The following CSMD3 variants were observed in gnomAD, a reference collection of about 807,000 sequenced individuals.
The protein encoded by CSMD3 is CUB and Sushi multiple domains 3.
Under a neutral mutation model 435.2 loss-of-function variants are expected in CSMD3, and 177 were observed. That is an observed-to-expected ratio of 0.41 (90% CI 0.36 to 0.46). CSMD3 has a LOEUF of 0.46. Ranked by LOEUF, CSMD3 falls within the 20% of genes least tolerant of loss-of-function variation. The pLI is 0.34. For synonymous variants in CSMD3, 1,656 were observed against 1,520.5 expected (o/e 1.09, Z -2.07); for missense variants, 4,265 against 4,504.6 (o/e 0.95, Z 1.52).
chr8:112,540,797 G>C (rs1826595649), intron 27 of CSMD3, among the ~76,000 whole-genome samples: 1 of 151,920 alleles, frequency 6.6e-6, no homozygotes, highest in Non-Finnish European at 1.5e-5. Context: ...ATTCCAATGG[G>C]ATGAAGAGGG....
intron 67 of CSMD3, among the ~76,000 whole-genome samples, chr8:112,235,919 A>G (rs1348714798): frequency 6.6e-6 from 1 of 151,954 alleles, no homozygotes; most frequent in Non-Finnish European, 1.5e-5. Context: ...ATAAGTATAC[A>G]TTTATTTTGG....
intron 11 of CSMD3, among the ~76,000 whole-genome samples, chr8:112,835,501 T>C (rs2079997671): frequency 6.6e-6 from 1 of 151,910 alleles, no homozygotes; most frequent in Non-Finnish European, 1.5e-5. Context: ...CTGAATATCC[T>C]CCTTTTGTCT....
chr8:112,954,685 GAT>G lies in CSMD3; in HGVS notation c.1417_1418del (p.Ile473LeufsTer3), dbSNP rs2083947230. 6.3e-7 allele frequency: 1 copy of G among 1,584,148 alleles called. No homozygotes were observed. On this transcript the variant is annotated frameshift_variant and splice_region_variant, in exon 8 of 71. Coordinates refer to ENST00000297405, the MANE Select transcript of CSMD3 (RefSeq NM_198123.2). LOFTEE classifies it high-confidence loss of function. Reference sequence around the variant, plus strand: ...GTAACAAAAAAGAAGTACACTCACAGATAGAAAACTTGTTGCTGTTGTCTTTC... The same window carrying G: ...GTAACAAAAAAGAAGTACACTCACAGAGAAAACTTGTTGCTGTTGTCTTTC... ...PGKDNSNKFS[I>X]LNEGGIKTAS...
intron 13 of CSMD3, among the ~76,000 whole-genome samples, chr8:112,739,323 A>G (rs900122427): frequency 3.3e-5 from 5 of 151,890 alleles, no homozygotes; most frequent in African/African-American, 9.6e-5. Context: ...TAAGAAATGC[A>G]TTTGACTTCA....
chr8:112,582,613 AG>A (rs59976764), intron 23 of CSMD3, among the ~76,000 whole-genome samples: 24,771 of 151,884 alleles, frequency 0.16, 2,390 homozygotes, highest in Middle Eastern at 0.36. Context: ...GAACAAAAAA[AG>A]GTTTAGAGCC....
chr8:113,259,155 C>A (rs1345154168), intron 3 of CSMD3, among the ~76,000 whole-genome samples: 1 of 152,108 alleles, frequency 6.6e-6, no homozygotes. Flanking sequence ...GTGCCTTTGG[C>A]CATATAGCCT....
At chr8:113,197,310 A>T (rs1017121548) in intron 3 of CSMD3, among the ~76,000 whole-genome samples, 1 of 150,492 alleles carries the variant, frequency 6.6e-6, no homozygotes, top group Admixed American at 6.6e-5. Context: ...TATATATATA[A>T]CACACATATA....
At chr8:113,322,907 G>A (rs112979284) in intron 1 of CSMD3, among the ~76,000 whole-genome samples, 17 of 151,970 alleles carry the variant, frequency 1.1e-4, no homozygotes, top group African/African-American at 3.9e-4. Context: ...CACCATGCCC[G>A]GCTAATTTTT....
At chr8:112,599,183 ACAAC>A (rs1264990752) in intron 22 of CSMD3, among the ~76,000 whole-genome samples, 4 of 147,022 alleles carry the variant, frequency 2.7e-5, no homozygotes, top group South Asian at 2.2e-4. Flanking sequence ...GAAAAAAAAA[ACAAC>A]CCCATCAAAA....
intron 1 of CSMD3, among the ~76,000 whole-genome samples, chr8:113,388,640 A>G (rs2094449183): frequency 6.6e-6 from 1 of 151,588 alleles, no homozygotes; most frequent in Non-Finnish European, 1.5e-5. Context: ...ATTTCTTACA[A>G]GAGACCACCA....
At chr8:112,494,400 C>CT (rs1586508433) in intron 30 of CSMD3, among the ~76,000 whole-genome samples, 2 of 149,512 alleles carry the variant, frequency 1.3e-5, no homozygotes, top group East Asian at 2.0e-4. Context: ...TTTTCTTTTT[C>CT]TTTTCTTTTC....
At chr8:113,190,568 G>T (rs1588239713) in intron 3 of CSMD3, among the ~76,000 whole-genome samples, 1 of 151,670 alleles carries the variant, frequency 6.6e-6, no homozygotes, top group Non-Finnish European at 1.5e-5. Context: ...GCCATTGTAA[G>T]TATCTTTTCA....
chr8:113,135,644 T>C (rs939749030), intron 4 of CSMD3, among the ~76,000 whole-genome samples: 2 of 151,688 alleles, frequency 1.3e-5, no homozygotes, highest in African/African-American at 4.8e-5. Context: ...TTCCCAATGC[T>C]TAGACAAAAA....
chr8:112,708,784 CA>C (rs756238100), intron 13 of CSMD3, among the ~76,000 whole-genome samples: 2 of 150,414 alleles, frequency 1.3e-5, no homozygotes, highest in Non-Finnish European at 3.0e-5. Context: ...CAATCGAGAG[CA>C]AAAAAGGTCG....
chr8:112,884,908 G>T (rs2081548976), intron 10 of CSMD3, among the ~76,000 whole-genome samples: 1 of 150,772 alleles, frequency 6.6e-6, no homozygotes, highest in African/African-American at 2.4e-5. Context: ...TTTTTTCCAG[G>T]ACCTTCTTAT....
intron 61 of CSMD3, among the ~76,000 whole-genome samples, chr8:112,261,058 C>T (rs1341178252): frequency 6.6e-6 from 1 of 152,002 alleles, no homozygotes; most frequent in Non-Finnish European, 1.5e-5. Flanking sequence ...TTAGTTTTAT[C>T]TCTCATGCTC....
chr8:113,419,308 G>A (rs568792348), intron 1 of CSMD3, among the ~76,000 whole-genome samples: 2 of 152,010 alleles, frequency 1.3e-5, no homozygotes, highest in African/African-American at 4.8e-5. Flanking sequence ...AGTAGAGACA[G>A]GCTTTCACCA....
chr8:113,314,455 A>C (rs1270540506), intron 2 of CSMD3, 116 bp downstream of exon 2: 3 of 699,576 alleles, frequency 4.3e-6, no homozygotes, highest in Non-Finnish European at 7.7e-6. Flanking sequence ...TAATAATTAG[A>C]TGGTGAATAC....
intron 32 of CSMD3, among the ~76,000 whole-genome samples, chr8:112,443,383 G>T (rs1815253522): frequency 6.6e-6 from 1 of 152,166 alleles, no homozygotes; most frequent in Non-Finnish European, 1.5e-5. Flanking sequence ...TACATTAAGA[G>T]CTGAGAAATA....
Sources: allele counts gnomAD v4.1 joint callset (sites outside exome capture counted in the v4.1 genomes callset), GRCh38; gene constraint gnomAD v4.1.1; transcripts MANE v1.5; gene names NCBI Gene and HGNC (gene_info 2026-07-23, HGNC 2026-07-21).